The following CSNK2A1 variants were observed in gnomAD, a reference collection of about 807,000 sequenced individuals.
CSNK2A1 encodes the protein casein kinase II subunit alpha.
In CSNK2A1, 10 loss-of-function variants were observed where a neutral mutation model predicts 62.9. The ratio of observed to expected loss-of-function variants is 0.16; its 90% CI spans 0.10 to 0.27. The LOEUF is 0.27. Ranked by LOEUF, CSNK2A1 falls within the 10% of genes least tolerant of loss-of-function variation. The pLI is 1.00. For missense variants in CSNK2A1, 160 were observed against 492.0 expected (o/e 0.33, Z 6.38); for synonymous variants, 124 against 167.8 (o/e 0.74, Z 2.02).
chr20:543,566 G>A, intron 1 of CSNK2A1, 106 bp downstream of exon 1: 1 of 396,954 alleles, frequency 2.5e-6, no homozygotes, highest in Non-Finnish European at 4.4e-6. Flanking sequence ...GAAGGCGACG[G>A]GCCGCTCAGG....
At position 474,571 on chromosome 20, in the gene CSNK2A1, T is replaced by TA. The variant is rs1394618698; in HGVS notation, c.*9389dup. 3.9e-5 allele frequency: 6 copies of TA among 152,354 alleles called. No individual in the cohort carries two copies. Among genetic ancestry groups the TA allele is most frequent in the Non-Finnish European group, 7.3e-5 (5 of 68,036 alleles). The allele number at this position is 152,354 out of a possible 1,614,324, so 9.4% of individuals were successfully genotyped here. ...CCAGAGTAATACATAAATATAGTTT[T>TA]AAAAGTAAATACTGCTACTATCTTA... is the stretch of plus-strand genomic sequence containing the variant. On this transcript the variant is annotated 3_prime_UTR_variant, in exon 14 of 14. Transcript: ENST00000217244.
Position 488,481 on chromosome 20 carries a change from T to C in CSNK2A1, c.824+197A>G, listed in dbSNP as rs968270198. 3 of 520,390 alleles carry C rather than the reference T, an allele frequency of 5.8e-6. No homozygotes were observed. The African/African-American group carries it at 5.9e-5, about 10-fold the overall frequency. 32.2% of individuals were successfully genotyped at this position (520,390 alleles called of 1,614,324 possible). ...CTATAACCCCTCCATCAGACTCCTG[T>C]AAGTTAATTTGAATAAAGGGCCATT... On this transcript the variant is annotated intron_variant, in intron 11 of 13. Coordinates refer to ENST00000217244, the MANE Select transcript of CSNK2A1 (RefSeq NM_177559.3).
In CSNK2A1 at chr20:543,790, T is replaced by C. The variant is rs1019084286; in HGVS notation, c.-345A>G. Reference sequence around the variant, plus strand: ...CCAGCCGCAGGGACCAGAGCGAGGCTGCAGCCGCTGCTGCCGGAAGCGGAA... The same window carrying C: ...CCAGCCGCAGGGACCAGAGCGAGGCCGCAGCCGCTGCTGCCGGAAGCGGAA... On this transcript the variant is annotated 5_prime_UTR_variant, in exon 1 of 14. Transcript: ENST00000217244. The C allele has an allele frequency of 3.8e-5, 15 of 398,462 alleles. No homozygotes were observed. The highest frequency in any genetic ancestry group is 2.5e-4 in the African/African-American group (12 of 48,726). 24.7% of individuals were successfully genotyped at this position (398,462 alleles called of 1,614,324 possible).
intron 4 of CSNK2A1, chr20:502,103 C>T (rs1418645469): frequency 1.3e-5 from 2 of 152,162 alleles, no homozygotes; most frequent in Admixed American, 6.6e-5. Flanking sequence ...GGACTATACT[C>T]GCCTGTTAGT....
chr20:532,089 C>T (rs2019223468), intron 1 of CSNK2A1, among the ~76,000 whole-genome samples: 1 of 152,050 alleles, frequency 6.6e-6, no homozygotes, highest in East Asian at 1.9e-4. Flanking sequence ...GATTGTTTAC[C>T]CCCTTGAATC....
chr20:495,698 C>T, intron 8 of CSNK2A1, 21 bp downstream of exon 8: 8 of 1,607,274 alleles, frequency 5.0e-6, no homozygotes, highest in Non-Finnish European at 6.8e-6. Context: ...ATAAATAACA[C>T]TTGTCAGCCT....
intron 4 of CSNK2A1, 162 bp from the exon 5 acceptor site, chr20:500,096 T>C (rs1351794585): frequency 3.4e-6 from 2 of 594,648 alleles, no homozygotes; most frequent in Non-Finnish European, 5.9e-6. Context: ...CCTAGCACTG[T>C]GCCAGGTATT....
rs2017990725 is a variant in CSNK2A1 at position 483,228 on chromosome 20, T to C, written c.*733A>G. 6.6e-6 allele frequency: 1 copy of C among 152,158 alleles called. No homozygotes were observed. Among genetic ancestry groups the C allele is most frequent in the Non-Finnish European group, 1.5e-5 (1 of 68,038 alleles). 9.4% of individuals were successfully genotyped at this position (152,158 alleles called of 1,614,324 possible). A position where few individuals can be genotyped will look rare whatever the true frequency, so the allele number is the denominator to read the frequency against. ...GCCTGGGAGGGAAGGTATCAACATT[T>C]TAAACTGAACTAAAAATAAAAGTAT... On this transcript the variant is annotated 3_prime_UTR_variant, in exon 14 of 14. Transcript: ENST00000217244.
intron 2 of CSNK2A1, among the ~76,000 whole-genome samples, chr20:523,867 A>AAAAAAAACAAAAAAACAAAAAAACAAAAC (rs1278754957): frequency 2.7e-5 from 4 of 150,578 alleles, no homozygotes; most frequent in African/African-American, 9.7e-5. Flanking sequence ...TCAAAAAAAA[A>AAAAAAAACAAAAAAACAAAAAAACAAAAC]AAAAAAAAAA....
At chr20:517,797 C>T (rs767835704) in intron 2 of CSNK2A1, among the ~76,000 whole-genome samples, 1 of 152,100 alleles carries the variant, frequency 6.6e-6, no homozygotes, top group Non-Finnish European at 1.5e-5. Context: ...ATGCCACATG[C>T]AACGTGGCAT....
At chr20:492,995 T>C (rs1434440040) in intron 8 of CSNK2A1, among the ~76,000 whole-genome samples, 1 of 152,218 alleles carries the variant, frequency 6.6e-6, no homozygotes, top group Admixed American at 6.5e-5. Context: ...CCACTGTGCA[T>C]AGCATGACCA....
In CSNK2A1 at chr20:475,460, CAAA is replaced by C. The variant is rs397865226; in HGVS notation, c.*8498_*8500del. The C allele has an allele frequency of 5.9e-5, 7 of 117,656 alleles. No individual in the cohort carries two copies. The highest frequency in any genetic ancestry group is 5.7e-5 in the Non-Finnish European group (3 of 52,858). 7.3% of individuals were successfully genotyped at this position (117,656 alleles called of 1,614,324 possible). On this transcript the variant is annotated 3_prime_UTR_variant, in exon 14 of 14. Transcript: ENST00000217244. The stretch of plus-strand genomic sequence containing the variant: ...GGGTGACAGAGTTAAGACTCTGACT[CAAA>C]AAAAAAAAAAAAAAGTTGGTGTAAT...
intron 2 of CSNK2A1, among the ~76,000 whole-genome samples, chr20:526,021 A>G (rs776899054): frequency 4.6e-5 from 7 of 152,098 alleles, no homozygotes; most frequent in African/African-American, 1.7e-4. Context: ...AAAAATTCAT[A>G]AACTTGAACT....
At chr20:531,113 A>C (rs1039392162) in intron 1 of CSNK2A1, among the ~76,000 whole-genome samples, 1 of 152,160 alleles carries the variant, frequency 6.6e-6, no homozygotes, top group African/African-American at 2.4e-5. Flanking sequence ...TATTAAGGTG[A>C]ATTATGTATT....
At chr20:540,673 C>T (rs1323149551) in intron 1 of CSNK2A1, among the ~76,000 whole-genome samples, 2 of 152,112 alleles carry the variant, frequency 1.3e-5, no homozygotes, top group African/African-American at 4.8e-5. Context: ...CTATCATGCC[C>T]CTCAAAACAA....
At position 526,157 on chromosome 20, in the gene CSNK2A1, T is replaced by G. The variant is rs6116412; in HGVS notation, c.-110+1776A>C. 6.2e-3 allele frequency among the ~76,000 whole-genome samples: 936 copies of G among 151,430 alleles called. 14 individuals are homozygous for G. The highest frequency in any genetic ancestry group is 0.022 in the African/African-American group (891 of 41,322). On this transcript the variant is annotated intron_variant, in intron 2 of 13. Transcript: ENST00000217244. ...TCAAAGAAATATGAAACAAAGAGGATCCACAATACCAATTGAGTCTTTAAA... is the reference window on the plus strand; with the variant it reads ...TCAAAGAAATATGAAACAAAGAGGAGCCACAATACCAATTGAGTCTTTAAA...
At chr20:502,457 T>C (rs973292328) in intron 4 of CSNK2A1, 2 of 152,098 alleles carry the variant, frequency 1.3e-5, no homozygotes, top group Non-Finnish European at 2.9e-5. Flanking sequence ...TCTATAAACT[T>C]AAAAAGCTGG....
rs199537457 is a variant in CSNK2A1, at chr20:516,856, G to GA, written c.-109-8197dup. Among the ~76,000 whole-genome samples, 1,227 of 148,896 alleles carry GA rather than the reference G, an allele frequency of 8.2e-3. 19 individuals are homozygous for GA. The highest frequency in any genetic ancestry group is 0.028 in the African/African-American group (1,155 of 40,672). ...TGTTTATTAGTCTCCATCTTAAAAG[G>GA]AAAAAAAAAATCTCCTTCTCATCCC... On this transcript the variant is annotated intron_variant, in intron 2 of 13. Transcript: ENST00000217244.
rs2019379420 is a variant in CSNK2A1, at chr20:538,394, A to G, written c.-227+5278T>C. 2.6e-5 allele frequency among the ~76,000 whole-genome samples: 4 copies of G among 152,322 alleles called. No individual in the cohort carries two copies. The South Asian group carries it at 8.3e-4, about 32-fold the overall frequency. On this transcript the variant is annotated intron_variant, in intron 1 of 13. Transcript: ENST00000217244. ...GCCCAATTTCCCTTACTCTAAACCCAAAGTCAAACATAACCTCTAAAGTCT... is the reference window on the plus strand; with the variant it reads ...GCCCAATTTCCCTTACTCTAAACCCGAAGTCAAACATAACCTCTAAAGTCT...
Sources: allele counts gnomAD v4.1 joint callset (sites outside exome capture counted in the v4.1 genomes callset), GRCh38; gene constraint gnomAD v4.1.1; transcripts MANE v1.5; gene names NCBI Gene and HGNC (gene_info 2026-07-23, HGNC 2026-07-21).